ZBTB20: variants seen among roughly 807,000 people sequenced by gnomAD.
ZBTB20 encodes zinc finger and BTB domain-containing protein 20.
A neutral mutation model predicts 56.9 loss-of-function variants in ZBTB20; 9 were observed. The observed-to-expected ratio is 0.16, with a 90% confidence interval of 0.10 to 0.28. The LOEUF (loss-of-function observed/expected upper bound fraction) is 0.28. Ranked by LOEUF, ZBTB20 falls within the 10% of genes least tolerant of loss-of-function variation. The pLI is 1.00. For synonymous variants in ZBTB20, 417 were observed against 420.7 expected, an observed-to-expected ratio of 0.99 and a Z score of 0.11; for missense variants, 655 against 1,003.0, an observed-to-expected ratio of 0.65 and a Z score of 4.69.
intron 2 of ZBTB20, among the ~76,000 whole-genome samples, chr3:115,048,140 G>A (rs1000618094): frequency 6.6e-6 from 1 of 152,110 alleles, no homozygotes; most frequent in African/African-American, 2.4e-5. Context: ...CAGGAGAATG[G>A]CGTGAACCCG....
intron 2 of ZBTB20, among the ~76,000 whole-genome samples, chr3:115,047,286 T>C (rs1195762444): frequency 6.6e-6 from 1 of 152,180 alleles, no homozygotes. Flanking sequence ...AAACAAAAAG[T>C]TTCAATAGCT....
In ZBTB20 at chr3:114,351,311, C is replaced by T; in HGVS notation, c.767G>A (p.Ser256Asn). 1 of 1,606,414 alleles carries T rather than the reference C, an allele frequency of 6.2e-7. No individual in the cohort carries two copies. Among genetic ancestry groups the T allele is most frequent in the Non-Finnish European group, 8.5e-7 (1 of 1,178,944 alleles). The change falls in exon 11 of 12, where the codon AGC (serine) becomes AAC (asparagine). Residue 256 changes from serine (S) to asparagine (N), a missense_variant. This residue lies in a region of ZBTB20 where 167 missense variants were observed against 281.9 expected (regional missense o/e 0.59). Transcript: ENST00000675478. ...ALYACSMQNG[S>N]GERSFYSGAV... is the part of the protein sequence containing the mutation. ...GCCGCTGTAAAAAGAGCGCTCGCCG[C>T]TGCCATTCTGCATGGAGCACGCGTA...
intron 2 of ZBTB20, among the ~76,000 whole-genome samples, chr3:114,988,378 T>C (rs1336889815): frequency 1.3e-5 from 2 of 151,950 alleles, no homozygotes; most frequent in Non-Finnish European, 2.9e-5. Flanking sequence ...TGTGATAGTT[T>C]GCTGAGAATG....
At chr3:115,063,189 T>G (rs940978834) in intron 2 of ZBTB20, among the ~76,000 whole-genome samples, 1 of 152,182 alleles carries the variant, frequency 6.6e-6, no homozygotes, top group East Asian at 1.9e-4. Context: ...TCATCATGAG[T>G]TAATCTACTA....
rs1403484760 is a variant in ZBTB20, at chr3:115,146,949, C to G, written c.-703+270G>C. 2.0e-5 allele frequency among the ~76,000 whole-genome samples: 3 copies of G among 151,162 alleles called. No individual in the cohort carries two copies. The South Asian group carries it at 6.2e-4, about 31-fold the overall frequency. Reference sequence around the variant, plus strand: ...CACCTCCCCGCCGGGTCGGGCGAGGCAGCCGCCGGGCGCTAAGAAGGGCGC... The same window carrying G: ...CACCTCCCCGCCGGGTCGGGCGAGGGAGCCGCCGGGCGCTAAGAAGGGCGC... On this transcript the variant is annotated intron_variant, in intron 1 of 11. Transcript: ENST00000675478.
At chr3:114,423,117 C>G (rs1002796391) in intron 7 of ZBTB20, among the ~76,000 whole-genome samples, 8 of 152,148 alleles carry the variant, frequency 5.3e-5, no homozygotes, top group Non-Finnish European at 1.2e-4. Flanking sequence ...TTTGATTTAA[C>G]CAATGTCTAA....
intron 5 of ZBTB20, among the ~76,000 whole-genome samples, chr3:114,705,055 T>C (rs1456728224): frequency 1.3e-5 from 2 of 152,154 alleles, no homozygotes; most frequent in African/African-American, 4.8e-5. Flanking sequence ...AATCTTAGTT[T>C]AGTGAATTAA....
At position 114,672,307 on chromosome 3, in the gene ZBTB20, G is replaced by T. The variant is rs979374283; in HGVS notation, c.-295+21221C>A. On this transcript the variant is annotated intron_variant, in intron 6 of 11. Transcript: ENST00000675478. ...CACGTAAACAGGAAGCTTATTAAAA[G>T]AACTTTTCTTGGTTTCCTGGCAAAA... is the stretch of plus-strand genomic sequence containing the variant. Among the ~76,000 whole-genome samples, 7 of 152,086 alleles carry T rather than the reference G, an allele frequency of 4.6e-5. No individual in the cohort carries two copies. The East Asian group carries it at 1.3e-3, about 29-fold the overall frequency.
At chr3:114,813,989 C>G (rs1231820285) in intron 4 of ZBTB20, among the ~76,000 whole-genome samples, 1 of 151,816 alleles carries the variant, frequency 6.6e-6, no homozygotes, top group Non-Finnish European at 1.5e-5. Flanking sequence ...TCCTTTGTTG[C>G]TAATGAAAGT....
At chr3:115,022,959 A>C (rs2080266549) in intron 2 of ZBTB20, among the ~76,000 whole-genome samples, 1 of 151,014 alleles carries the variant, frequency 6.6e-6, no homozygotes, top group African/African-American at 2.4e-5. Context: ...ACTGTGCGAG[A>C]TGCTGAGACA....
chr3:114,813,664 T>C (rs943759408), intron 4 of ZBTB20, among the ~76,000 whole-genome samples: 1 of 152,192 alleles, frequency 6.6e-6, no homozygotes, highest in Non-Finnish European at 1.5e-5. Context: ...GGCAGGAGGA[T>C]AGCTTGAGCC....
intron 2 of ZBTB20, among the ~76,000 whole-genome samples, chr3:115,031,993 A>T (rs1230355555): frequency 6.6e-6 from 1 of 151,518 alleles, no homozygotes; most frequent in Non-Finnish European, 1.5e-5. Context: ...TTAGTGTCAT[A>T]CTATCATGAC....
intron 6 of ZBTB20, among the ~76,000 whole-genome samples, chr3:114,603,053 T>C (rs1347975761): frequency 1.3e-5 from 2 of 152,024 alleles, no homozygotes; most frequent in Non-Finnish European, 2.9e-5. Flanking sequence ...GAGATTTAAG[T>C]GCTGAATTGA....
chr3:114,791,663 A>G (rs1021087234), intron 5 of ZBTB20: 1 of 152,214 alleles, frequency 6.6e-6, no homozygotes, highest in African/African-American at 2.4e-5. Context: ...AATGTAAGCA[A>G]AGAACAATTC....
intron 3 of ZBTB20, among the ~76,000 whole-genome samples, chr3:114,919,486 T>A (rs1265432485): frequency 6.6e-6 from 1 of 151,962 alleles, no homozygotes; most frequent in African/African-American, 2.4e-5. Flanking sequence ...GGGGAGTGAA[T>A]CATGAGGTCA....
chr3:114,928,236 C>T (rs888552923), intron 3 of ZBTB20, among the ~76,000 whole-genome samples: 4 of 152,212 alleles, frequency 2.6e-5, no homozygotes, highest in African/African-American at 9.6e-5. Context: ...TCTGAGGCAT[C>T]CGGGGCACAC....
rs536734259 is a variant in ZBTB20, at chr3:114,504,231, T to A, written c.-294-3840A>T. 2.7e-4 allele frequency among the ~76,000 whole-genome samples: 41 copies of A among 152,200 alleles called. No homozygotes were observed. The East Asian group carries it at 5.8e-3, about 21-fold the overall frequency. On this transcript the variant is annotated intron_variant, in intron 6 of 11. Coordinates refer to ENST00000675478, the MANE Select transcript of ZBTB20 (RefSeq NM_001348800.3). ...TCCTAGTCCTTTATAATTTCTTTTT[T>A]AAAAAAATCTACAAAGCCTTAGCAA... is the stretch of plus-strand genomic sequence containing the variant.
At chr3:114,991,910 G>C (rs1186438371) in intron 2 of ZBTB20, among the ~76,000 whole-genome samples, 1 of 152,050 alleles carries the variant, frequency 6.6e-6, no homozygotes, top group East Asian at 1.9e-4. Flanking sequence ...TGTTTTATCA[G>C]AGACTAGGAT....
At chr3:115,080,744 T>C (rs1304228362) in intron 1 of ZBTB20, among the ~76,000 whole-genome samples, 1 of 152,176 alleles carries the variant, frequency 6.6e-6, no homozygotes, top group Non-Finnish European at 1.5e-5. Context: ...AAATTCCTTA[T>C]AATTTCAATA....
Sources: allele counts gnomAD v4.1 joint callset (sites outside exome capture counted in the v4.1 genomes callset), GRCh38; gene constraint gnomAD v4.1.1; regional missense constraint gnomAD v4.1.1; transcripts MANE v1.5; gene names NCBI Gene and HGNC (gene_info 2026-07-23, HGNC 2026-07-21).